The following NRG3 variants were observed in gnomAD, a reference collection of about 807,000 sequenced individuals.
NRG3 encodes neuregulin 3.
A neutral mutation model predicts 66.9 loss-of-function variants in NRG3; 31 were observed. That is an observed-to-expected ratio of 0.46 (90% CI 0.35 to 0.63). The LOEUF (loss-of-function observed/expected upper bound fraction) is 0.63, where lower values mean the gene tolerates loss of function less well. Ranked by LOEUF, NRG3 falls within the 20% of genes least tolerant of loss-of-function variation. NRG3 has a pLI of 0.00. For missense variants in NRG3, 910 were observed against 878.9 expected (o/e 1.04, Z -0.45); for synonymous variants, 393 against 359.4 (o/e 1.09, Z -1.06).
chr10:82,922,031 A>G (rs533395578), intron 4 of NRG3, among the ~76,000 whole-genome samples: 9 of 152,252 alleles, frequency 5.9e-5, no homozygotes, highest in Admixed American at 1.3e-4. Flanking sequence ...GTTATCGTGT[A>G]TGAACTCATT....
At chr10:82,556,502 G>A (rs75993110) in intron 2 of NRG3, among the ~76,000 whole-genome samples, 3,950 of 152,108 alleles carry the variant, frequency 0.026, 82 homozygotes, top group African/African-American at 0.06. Context: ...ATTGGCTGGC[G>A]GCAGCCCTCT....
chr10:82,372,896 T>C (rs1023450228), intron 2 of NRG3, among the ~76,000 whole-genome samples: 2 of 152,220 alleles, frequency 1.3e-5, no homozygotes, highest in Non-Finnish European at 2.9e-5. Flanking sequence ...ACCTGGCCTG[T>C]ATTAGCATTT....
At chr10:82,760,157 T>C (rs1209259911) in intron 3 of NRG3, among the ~76,000 whole-genome samples, 3 of 152,132 alleles carry the variant, frequency 2.0e-5, no homozygotes, top group African/African-American at 7.2e-5. Context: ...GGGAACCTTT[T>C]TGCCTGAGTT....
chr10:82,792,114 G>T (rs1435234430), intron 3 of NRG3, among the ~76,000 whole-genome samples: 1 of 152,066 alleles, frequency 6.6e-6, no homozygotes, highest in African/African-American at 2.4e-5. Flanking sequence ...TCCTTAGATT[G>T]TTACAAGCCT....
chr10:82,065,345 G>T (rs759702511), intron 1 of NRG3, among the ~76,000 whole-genome samples: 8 of 152,188 alleles, frequency 5.3e-5, no homozygotes, highest in Non-Finnish European at 1.2e-4. Flanking sequence ...TCACTGATGT[G>T]TATAAATAGA....
intron 1 of NRG3, among the ~76,000 whole-genome samples, chr10:82,130,474 A>G (rs2068742896): frequency 1.3e-5 from 2 of 152,024 alleles, no homozygotes; most frequent in Admixed American, 1.3e-4. Flanking sequence ...AATCTTGGCT[A>G]TTGTGAATAG....
intron 6 of NRG3, among the ~76,000 whole-genome samples, chr10:82,962,255 A>G (rs1238514962): frequency 6.6e-6 from 1 of 152,166 alleles, no homozygotes; most frequent in African/African-American, 2.4e-5. Flanking sequence ...CTCAAGTAAG[A>G]AAGAGCTAAG....
At chr10:82,520,413 C>T (rs1002155026) in intron 2 of NRG3, among the ~76,000 whole-genome samples, 7 of 151,948 alleles carry the variant, frequency 4.6e-5, no homozygotes, top group African/African-American at 1.5e-4. Flanking sequence ...AGCTGCTCTA[C>T]TCACACACAT....
chr10:82,345,593 C>A (rs1277123546), intron 1 of NRG3, among the ~76,000 whole-genome samples: 2 of 151,220 alleles, frequency 1.3e-5, no homozygotes, highest in African/African-American at 2.4e-5. Context: ...TTTTCCAATT[C>A]TGTGAAGAAA....
intron 1 of NRG3, among the ~76,000 whole-genome samples, chr10:81,971,652 T>A (rs4933267): frequency 0.039 from 5,966 of 152,194 alleles, 183 homozygotes; most frequent in Admixed American, 0.084. Flanking sequence ...ATGAGGAAAG[T>A]CATATGATTG....
intron 1 of NRG3, among the ~76,000 whole-genome samples, chr10:82,229,530 G>A (rs903970768): frequency 2.0e-5 from 3 of 152,162 alleles, no homozygotes; most frequent in African/African-American, 7.2e-5. Context: ...ATTTATAAAG[G>A]AAAGAGGTTT....
At chr10:82,772,132 T>C (rs2059735186) in intron 3 of NRG3, among the ~76,000 whole-genome samples, 1 of 152,170 alleles carries the variant, frequency 6.6e-6, no homozygotes, top group African/African-American at 2.4e-5. Context: ...GCTAATTTTA[T>C]TCTTTTTTAA....
At chr10:82,144,127 C>A (rs1267358150) in intron 1 of NRG3, among the ~76,000 whole-genome samples, 1 of 151,906 alleles carries the variant, frequency 6.6e-6, no homozygotes, top group African/African-American at 2.4e-5. Flanking sequence ...TGCTTTCTCC[C>A]TTTACTATTT....
At chr10:82,603,750 T>G (rs2047785338) in intron 2 of NRG3, among the ~76,000 whole-genome samples, 1 of 152,194 alleles carries the variant, frequency 6.6e-6, no homozygotes, top group Non-Finnish European at 1.5e-5. Flanking sequence ...AAAAAGTTGC[T>G]TTTATGTAGG....
intron 2 of NRG3, among the ~76,000 whole-genome samples, chr10:82,399,291 C>G (rs1589986401): frequency 6.6e-6 from 1 of 152,250 alleles, no homozygotes; most frequent in East Asian, 1.9e-4. Context: ...TACACCAACT[C>G]AAACCCAGGG....
Position 82,146,165 on chromosome 10 carries a change from T to C in NRG3, c.824-212574T>C, listed in dbSNP as rs181734369. Among the ~76,000 whole-genome samples, 184 of 152,324 alleles carry C rather than the reference T, an allele frequency of 1.2e-3. 1 individual carries two copies. The highest frequency in any genetic ancestry group is 2.0e-3 in the Non-Finnish European group (139 of 68,032). On this transcript the variant is annotated intron_variant, in intron 1 of 8. Coordinates refer to ENST00000372141, the MANE Select transcript of NRG3 (RefSeq NM_001010848.4). ...CAATGCAAATATTTAAAGCCTGCTT[T>C]TGTTTCTATCAAAGAGAATGTTGGG...
At position 82,482,557 on chromosome 10, in the gene NRG3, A is replaced by T. The variant is rs191134049; in HGVS notation, c.953+123689A>T. 3.8e-3 allele frequency among the ~76,000 whole-genome samples: 574 copies of T among 151,856 alleles called. 1 individual carries two copies. Among genetic ancestry groups the T allele is most frequent in the African/African-American group, 0.013 (543 of 41,400 alleles). On this transcript the variant is annotated intron_variant, in intron 2 of 8. Coordinates refer to ENST00000372141, the MANE Select transcript of NRG3 (RefSeq NM_001010848.4). ...TAGGGAAACAGGCAAGGTCAGTGCT[A>T]CACAGAGTGTGATTCTTGGATAGGC...
chr10:82,149,075 T>TTTTTG (rs1491532228), intron 1 of NRG3, among the ~76,000 whole-genome samples: 67 of 24,038 alleles, frequency 2.8e-3, no homozygotes, highest in Non-Finnish European at 7.2e-3. Flanking sequence ...TTTGTTTTTG[T>TTTTTG]TTTTTTTTTA....
intron 3 of NRG3, among the ~76,000 whole-genome samples, chr10:82,750,577 T>G (rs1363685597): frequency 6.6e-6 from 1 of 152,244 alleles, no homozygotes; most frequent in East Asian, 1.9e-4. Context: ...AATGAGGACT[T>G]AACTGAGTGC....
Sources: allele counts gnomAD v4.1 joint callset (sites outside exome capture counted in the v4.1 genomes callset), GRCh38; gene constraint gnomAD v4.1.1; transcripts MANE v1.5; gene names NCBI Gene and HGNC (gene_info 2026-07-23, HGNC 2026-07-21).